Variants in TSHR observed in about 807,000 individuals in gnomAD.
The protein encoded by TSHR is thyroid stimulating hormone receptor.
In TSHR, 51 loss-of-function variants were observed where a neutral mutation model predicts 64.1. The observed-to-expected ratio is 0.80, with a 90% CI of 0.64 to 1.01. The LOEUF is 1.01. Ranked by LOEUF, TSHR falls within the 50% of genes least tolerant of loss-of-function variation. The pLI is 0.00. For missense variants in TSHR, 877 were observed against 942.8 expected (o/e 0.93, Z 0.91); for synonymous variants, 361 against 361.9 (o/e 1.00, Z 0.03).
At chr14:81,118,862 G>A (rs1186994731) in intron 8 of TSHR, among the ~76,000 whole-genome samples, 2 of 150,258 alleles carry the variant, frequency 1.3e-5, no homozygotes, top group Non-Finnish European at 2.9e-5. Flanking sequence ...AGAGCCCTCA[G>A]AAATAATGCC....
chr14:81,064,167 T>C (rs1886437605), intron 2 of TSHR, among the ~76,000 whole-genome samples: 1 of 151,880 alleles, frequency 6.6e-6, no homozygotes, highest in Non-Finnish European at 1.5e-5. Context: ...GGGGTGGAAG[T>C]GGAGCAAGGC....
intron 7 of TSHR, among the ~76,000 whole-genome samples, chr14:81,107,381 T>C (rs142987551): frequency 1.9e-4 from 29 of 152,330 alleles, no homozygotes; most frequent in African/African-American, 6.3e-4. Context: ...GACCAGGTTA[T>C]GTTGTGAGTT....
intron 1 of TSHR, among the ~76,000 whole-genome samples, chr14:80,964,620 TG>T (rs1377328949): frequency 1.3e-5 from 2 of 152,182 alleles, no homozygotes; most frequent in African/African-American, 2.4e-5. Flanking sequence ...AATCTGTGGT[TG>T]TGTGAAAATT....
intron 1 of TSHR, among the ~76,000 whole-genome samples, chr14:80,965,907 C>G (rs1015664222): frequency 1.3e-5 from 2 of 152,224 alleles, no homozygotes; most frequent in Non-Finnish European, 2.9e-5. Flanking sequence ...CACAGTCCCA[C>G]TGAAAAGACT....
intron 1 of TSHR, among the ~76,000 whole-genome samples, chr14:80,958,659 C>CT (rs1047586587): frequency 1.3e-5 from 2 of 152,010 alleles, no homozygotes; most frequent in Non-Finnish European, 2.9e-5. Context: ...AAATCTAGAT[C>CT]TTTTTTTACA....
intron 2 of TSHR, among the ~76,000 whole-genome samples, chr14:81,063,282 A>G (rs2139896111): frequency 6.6e-6 from 1 of 151,664 alleles, no homozygotes; most frequent in African/African-American, 2.4e-5. Flanking sequence ...CTGACTTCCT[A>G]TTTTATTTTT....
intron 1 of TSHR, among the ~76,000 whole-genome samples, chr14:81,017,407 C>G (rs1014106228): frequency 1.3e-5 from 2 of 152,040 alleles, no homozygotes; most frequent in East Asian, 1.9e-4. Context: ...CTCAAGGGCA[C>G]CAGGAGTATG....
At chr14:80,961,971 A>C (rs1433392825) in intron 1 of TSHR, among the ~76,000 whole-genome samples, 1 of 152,196 alleles carries the variant, frequency 6.6e-6, no homozygotes, top group African/African-American at 2.4e-5. Context: ...TATTATATTA[A>C]ACTTTATAAG....
At chr14:81,055,206 A>T (rs1308529937) in intron 1 of TSHR, among the ~76,000 whole-genome samples, 4 of 152,136 alleles carry the variant, frequency 2.6e-5, no homozygotes, top group Non-Finnish European at 4.4e-5. Context: ...CAGCTTCCAC[A>T]TGGTATAGAG....
At chr14:81,036,713 G>A (rs1047762070) in intron 1 of TSHR, among the ~76,000 whole-genome samples, 1 of 152,170 alleles carries the variant, frequency 6.6e-6, no homozygotes, top group Admixed American at 6.5e-5. Context: ...CATTACTGTA[G>A]TGGTGGTATA....
chr14:81,088,247 A>G (rs1173437938), intron 4 of TSHR, among the ~76,000 whole-genome samples: 2 of 152,224 alleles, frequency 1.3e-5, no homozygotes, highest in African/African-American at 4.8e-5. Context: ...GCTCCAAGAA[A>G]CAGGAGGGAG....
chr14:81,013,093 T>C (rs1231738073), intron 1 of TSHR: 3 of 152,196 alleles, frequency 2.0e-5, no homozygotes, highest in African/African-American at 7.2e-5. Context: ...TTTAAGTCTT[T>C]AATCCATCTT....
chr14:81,020,389 C>T (rs763207106), intron 1 of TSHR, among the ~76,000 whole-genome samples: 10 of 152,202 alleles, frequency 6.6e-5, no homozygotes, highest in Non-Finnish European at 1.5e-5. Context: ...CTGTATTTTA[C>T]AGCTGCTCCC....
At chr14:81,015,854 AT>A (rs1266264243) in intron 1 of TSHR, among the ~76,000 whole-genome samples, 1 of 152,114 alleles carries the variant, frequency 6.6e-6, no homozygotes, top group East Asian at 1.9e-4. Flanking sequence ...TAGATTCTAC[AT>A]ATAAGTGAGA....
At position 80,981,366 on chromosome 14, in the gene TSHR, G is replaced by A. The variant is rs138816820; in HGVS notation, c.170+25516G>A. ...AGAATATTGAGTTTGATGCAGTGGC[G>A]TCAGGAGCAGGACGACTCTTTGCCA... On this transcript the variant is annotated intron_variant, in intron 1 of 9. Transcript: ENST00000298171. Among the ~76,000 whole-genome samples, 260 of 152,222 alleles carry A rather than the reference G, an allele frequency of 1.7e-3. 1 individual carries two copies. Among genetic ancestry groups the A allele is most frequent in the African/African-American group, 5.2e-3 (216 of 41,528 alleles).
chr14:81,030,795 G>T (rs1884309779), intron 1 of TSHR, among the ~76,000 whole-genome samples: 1 of 152,100 alleles, frequency 6.6e-6, no homozygotes, highest in African/African-American at 2.4e-5. Context: ...ATTGTCAGGA[G>T]AAAATATGTA....
At chr14:81,038,748 A>G (rs1422404873) in intron 1 of TSHR, among the ~76,000 whole-genome samples, 1 of 147,400 alleles carries the variant, frequency 6.8e-6, no homozygotes, top group African/African-American at 2.5e-5. Flanking sequence ...ATAAATATAT[A>G]TATATTAAAA....
At chr14:81,036,165 G>T (rs188355965) in intron 1 of TSHR, among the ~76,000 whole-genome samples, 101 of 152,218 alleles carry the variant, frequency 6.6e-4, no homozygotes, top group African/African-American at 2.3e-3. Context: ...GACACAGAAA[G>T]GTTACTTAAA....
chr14:81,063,279 C>T (rs1212715079), intron 2 of TSHR, among the ~76,000 whole-genome samples: 1 of 152,088 alleles, frequency 6.6e-6, no homozygotes, highest in African/African-American at 2.4e-5. Flanking sequence ...TTTCTGACTT[C>T]CTATTTTATT....
Sources: allele counts gnomAD v4.1 joint callset (sites outside exome capture counted in the v4.1 genomes callset), GRCh38; gene constraint gnomAD v4.1.1; transcripts MANE v1.5; gene names NCBI Gene and HGNC (gene_info 2026-07-23, HGNC 2026-07-21).